LRP1B: variants seen among roughly 807,000 people sequenced by gnomAD.
The protein encoded by LRP1B is LDL receptor related protein 1B, also known as low-density lipoprotein receptor-related protein 1B.
In LRP1B, 217 loss-of-function variants were observed where a neutral mutation model predicts 556.6. The ratio of observed to expected loss-of-function variants is 0.39; its 90% CI spans 0.35 to 0.44. The LOEUF is 0.44. Among genes scored for constraint, LRP1B ranks in the 20% least tolerant of loss-of-function variants. The pLI, the probability that LRP1B is intolerant of heterozygous loss-of-function variation, is 1.00. For synonymous variants in LRP1B, 2,047 were observed against 1,865.8 expected (o/e 1.10, Z -2.50); for missense variants, 5,053 against 5,620.8 (o/e 0.90, Z 3.23).
At chr2:141,277,095 A>G (rs1685328793) in intron 3 of LRP1B, among the ~76,000 whole-genome samples, 1 of 152,240 alleles carries the variant, frequency 6.6e-6, no homozygotes, top group South Asian at 2.1e-4. Flanking sequence ...TGCTGTAATA[A>G]ACATGCAAGT....
intron 7 of LRP1B, among the ~76,000 whole-genome samples, chr2:141,165,906 A>C (rs1298641979): frequency 6.6e-6 from 1 of 152,022 alleles, no homozygotes; most frequent in Non-Finnish European, 1.5e-5. Context: ...GTCTTAAGCC[A>C]TAGCTATTTC....
At chr2:140,699,188 A>C (rs1382381018) in intron 41 of LRP1B, among the ~76,000 whole-genome samples, 1 of 152,082 alleles carries the variant, frequency 6.6e-6, no homozygotes, top group Non-Finnish European at 1.5e-5. Flanking sequence ...TTTTATTAAA[A>C]AACGATTAAA....
At chr2:141,362,458 G>T (rs1047261619) in intron 3 of LRP1B, among the ~76,000 whole-genome samples, 1 of 152,158 alleles carries the variant, frequency 6.6e-6, no homozygotes, top group South Asian at 2.1e-4. Context: ...GATGGACAGC[G>T]CAGAAGAAAG....
rs1414031665 is a variant in LRP1B, at chr2:140,841,179, AAATTT to A, written c.4940-92_4940-88del. On this transcript the variant is annotated intron_variant, in intron 29 of 90. Coordinates refer to ENST00000389484, the MANE Select transcript of LRP1B (RefSeq NM_018557.3). ...AAGTAGTTATTTTCTATCTAAGGGAAAATTTAATTTATACTTTAATTTGTTAGCTA... is the reference window on the plus strand; with the variant it reads ...AAGTAGTTATTTTCTATCTAAGGGAAAATTTATACTTTAATTTGTTAGCTA... 8.5e-5 allele frequency: 69 copies of A among 810,386 alleles called. No homozygotes were observed. The Admixed American group carries it at 1.3e-3, about 15-fold the overall frequency. 50.2% of individuals were successfully genotyped at this position (810,386 alleles called of 1,614,324 possible). A position where few individuals can be genotyped will look rare whatever the true frequency, so the allele number is the denominator to read the frequency against.
At chr2:140,867,170 C>T (rs1573820385) in intron 27 of LRP1B, among the ~76,000 whole-genome samples, 1 of 151,948 alleles carries the variant, frequency 6.6e-6, no homozygotes, top group South Asian at 2.1e-4. Flanking sequence ...CACTGTTGAA[C>T]CAAAAGGTGA....
intron 2 of LRP1B, among the ~76,000 whole-genome samples, chr2:141,520,627 G>A (rs1045755113): frequency 6.6e-6 from 1 of 151,974 alleles, no homozygotes; most frequent in African/African-American, 2.4e-5. Context: ...GATGGTAAAC[G>A]GGTCGGGAGA....
At chr2:141,903,656 T>C (rs1040309508) in intron 1 of LRP1B, among the ~76,000 whole-genome samples, 3 of 151,978 alleles carry the variant, frequency 2.0e-5, no homozygotes, top group African/African-American at 4.8e-5. Flanking sequence ...TTATTGAGCA[T>C]TTTCTACATG....
intron 83 of LRP1B, among the ~76,000 whole-genome samples, chr2:140,312,168 C>T (rs533535818): frequency 6.6e-6 from 1 of 152,054 alleles, no homozygotes; most frequent in African/African-American, 2.4e-5. Flanking sequence ...TTAAAATATT[C>T]AATTCAAATG....
intron 1 of LRP1B, among the ~76,000 whole-genome samples, chr2:142,007,976 G>T (rs927143243): frequency 2.6e-5 from 4 of 152,088 alleles, no homozygotes; most frequent in Non-Finnish European, 5.9e-5. Flanking sequence ...CCCTAGTAAG[G>T]TCACCTTTAT....
chr2:142,015,554 A>G (rs1703093217), intron 1 of LRP1B, among the ~76,000 whole-genome samples: 1 of 152,170 alleles, frequency 6.6e-6, no homozygotes. Flanking sequence ...CTTCTGCACA[A>G]CAAAAGAAAC....
intron 1 of LRP1B, among the ~76,000 whole-genome samples, chr2:141,942,374 T>C (rs1430068189): frequency 8.6e-6 from 1 of 116,154 alleles, no homozygotes; most frequent in Non-Finnish European, 1.8e-5. Flanking sequence ...AAATTATGCA[T>C]TTACTAAATC....
At chr2:141,535,811 C>A (rs937359049) in intron 2 of LRP1B, among the ~76,000 whole-genome samples, 1 of 152,044 alleles carries the variant, frequency 6.6e-6, no homozygotes, top group Non-Finnish European at 1.5e-5. Context: ...TATTTTAGCA[C>A]GTCATCAAAT....
intron 3 of LRP1B, among the ~76,000 whole-genome samples, chr2:141,471,706 T>C (rs966835867): frequency 6.6e-6 from 1 of 152,182 alleles, no homozygotes; most frequent in Admixed American, 6.5e-5. Context: ...AGGCAGAAAA[T>C]ATGTCTTTCT....
At chr2:141,249,847 A>G (rs1017940166) in intron 4 of LRP1B, among the ~76,000 whole-genome samples, 1 of 151,794 alleles carries the variant, frequency 6.6e-6, no homozygotes, top group African/African-American at 2.4e-5. Flanking sequence ...AGAAGGGGAC[A>G]TAGTCACAAA....
At chr2:141,453,176 G>A (rs1019724611) in intron 3 of LRP1B, among the ~76,000 whole-genome samples, 1 of 152,050 alleles carries the variant, frequency 6.6e-6, no homozygotes, top group African/African-American at 2.4e-5. Flanking sequence ...GACAGAGTTT[G>A]CAGTGAGCTG....
intron 6 of LRP1B, among the ~76,000 whole-genome samples, chr2:141,216,879 A>C (rs1405576762): frequency 6.6e-6 from 1 of 152,124 alleles, no homozygotes; most frequent in Non-Finnish European, 1.5e-5. Context: ...CCTCCATTGT[A>C]TCTTGGAAGG....
chr2:140,594,082 A>C (rs1001140662), intron 43 of LRP1B, among the ~76,000 whole-genome samples: 5 of 151,922 alleles, frequency 3.3e-5, no homozygotes, highest in Admixed American at 2.6e-4. Context: ...GGTTCAAGCG[A>C]TTCTCCTGCC....
chr2:140,918,795 A>G (rs947005810), intron 21 of LRP1B, among the ~76,000 whole-genome samples: 3 of 152,084 alleles, frequency 2.0e-5, no homozygotes, highest in African/African-American at 7.2e-5. Context: ...TCTGCAAACC[A>G]GGAAGAGTGC....
In LRP1B at chr2:141,735,137, TTTTGTTTTTTG is replaced by T. The variant is rs894937851; in HGVS notation, c.205+75131_205+75141del. 5.1e-4 allele frequency among the ~76,000 whole-genome samples: 32 copies of T among 62,868 alleles called. No individual in the cohort carries two copies. The Admixed American group carries it at 5.8e-3, about 11-fold the overall frequency. The allele number at this position is 62,868 out of a possible 152,430, so 41.2% of individuals were successfully genotyped here. A position where few individuals can be genotyped will look rare whatever the true frequency, so the allele number is the denominator to read the frequency against. On this transcript the variant is annotated intron_variant, in intron 2 of 90. Transcript: ENST00000389484. ...CCTATGCTTGGAGGGTTTTGTTTCATTTTGTTTTTTGTTTGTTTGTTTGTTTGTTTGTTTGT... is the reference window on the plus strand; with the variant it reads ...CCTATGCTTGGAGGGTTTTGTTTCATTTTGTTTGTTTGTTTGTTTGTTTGT...
Sources: gnomAD v4.1 joint callset for allele counts (sites outside exome capture counted in the v4.1 genomes callset) on GRCh38, gnomAD v4.1.1 for gene constraint, MANE v1.5 for transcripts, NCBI Gene and HGNC (gene_info 2026-07-23, HGNC 2026-07-21) for gene names.